The following ZNF564 variants were observed in gnomAD, a reference collection of about 807,000 sequenced individuals.
ZNF564 encodes the protein zinc finger protein 564.
A neutral mutation model predicts 10.5 loss-of-function variants in ZNF564; 5 were observed. That is an observed-to-expected ratio of 0.48 (90% CI 0.25 to 1.00). The LOEUF (loss-of-function observed/expected upper bound fraction) is 1.00. Among genes scored for constraint, ZNF564 ranks in the 50% least tolerant of loss-of-function variants. The pLI is 0.16. For synonymous variants in ZNF564, 242 were observed against 218.1 expected, an observed-to-expected ratio of 1.11 and a Z score of -0.97; for missense variants, 603 against 669.7, an observed-to-expected ratio of 0.90 and a Z score of 1.10.
intron 1 of ZNF564, among the ~76,000 whole-genome samples, chr19:12,536,140 A>T (rs2021906994): frequency 6.6e-6 from 1 of 152,170 alleles, no homozygotes; most frequent in Admixed American, 6.6e-5. Flanking sequence ...AGTTAAAATG[A>T]AGAGACTCAT....
chr19:12,541,066 C>CAAAAAAAAAAAAA (rs35848835), intron 1 of ZNF564, among the ~76,000 whole-genome samples: 1 of 59,734 alleles, frequency 1.7e-5, no homozygotes, highest in African/African-American at 7.6e-5. Context: ...CCTGTCTCTA[C>CAAAAAAAAAAAAA]AAAAAAAAAA....
chr19:12,539,616 C>T (rs182343579), intron 1 of ZNF564, among the ~76,000 whole-genome samples: 2 of 149,904 alleles, frequency 1.3e-5, no homozygotes, highest in Admixed American at 6.7e-5. Context: ...AGCAGTGAGC[C>T]GAGATCGTGC....
At chr19:12,528,450 C>G in intron 2 of ZNF564, 86 bp from the exon 3 acceptor site, 1 of 1,575,774 alleles carries the variant, frequency 6.3e-7, no homozygotes, top group Non-Finnish European at 8.6e-7. Flanking sequence ...AAGGTGCAAA[C>G]AACCCTGATT....
chr19:12,546,874 A>G (rs1319222019), intron 1 of ZNF564, among the ~76,000 whole-genome samples: 9 of 152,168 alleles, frequency 5.9e-5, no homozygotes, highest in Non-Finnish European at 1.3e-4. Context: ...TCCTCCTTTC[A>G]GCCCTGAACT....
chr19:12,540,605 A>G (rs927797433), intron 1 of ZNF564, among the ~76,000 whole-genome samples: 1 of 152,204 alleles, frequency 6.6e-6, no homozygotes, highest in South Asian at 2.1e-4. Context: ...CTGTAATCCC[A>G]GCACTTTGGG....
intron 1 of ZNF564, among the ~76,000 whole-genome samples, chr19:12,542,821 T>C (rs146067412): frequency 4.0e-4 from 57 of 143,794 alleles, no homozygotes; most frequent in African/African-American, 1.3e-3. Flanking sequence ...CTGACCAACA[T>C]AGTGAAACTC....
At chr19:12,533,497 C>A (rs1441613427) in intron 1 of ZNF564, among the ~76,000 whole-genome samples, 3 of 151,996 alleles carry the variant, frequency 2.0e-5, no homozygotes, top group Non-Finnish European at 4.4e-5. Flanking sequence ...GAGGCCAAGG[C>A]GGGCAGATTA....
chr19:12,539,959 T>G (rs900637622), intron 1 of ZNF564, among the ~76,000 whole-genome samples: 8 of 142,062 alleles, frequency 5.6e-5, no homozygotes, highest in Non-Finnish European at 9.1e-5. Flanking sequence ...CCAGCCTGGG[T>G]AACAGAACGA....
chr19:12,528,131 C>T (rs192380048), intron 3 of ZNF564, among the ~76,000 whole-genome samples, 173 bp downstream of exon 3: 2 of 152,244 alleles, frequency 1.3e-5, no homozygotes, highest in African/African-American at 4.8e-5. Context: ...AATACTATTT[C>T]CAAGTGAATG....
At position 12,525,444 on chromosome 19, in the gene ZNF564, C is replaced by T. The variant is rs2021663790; in HGVS notation, c.*1002G>A. The T allele has an allele frequency of 6.6e-6, 1 of 152,144 alleles. No individual in the cohort carries two copies. Among genetic ancestry groups the T allele is most frequent in the South Asian group, 2.1e-4 (1 of 4,826 alleles). 9.4% of individuals were successfully genotyped at this position (152,144 alleles called of 1,614,324 possible). A position where few individuals can be genotyped will look rare whatever the true frequency, so the allele number is the denominator to read the frequency against. ...AGCAGGCTTATACCACTGTACATTC[C>T]CAGTGATAGTGCACAATGTTCTCCA... On this transcript the variant is annotated 3_prime_UTR_variant, in exon 4 of 4. Coordinates refer to ENST00000339282, the MANE Select transcript of ZNF564 (RefSeq NM_144976.4).
intron 1 of ZNF564, among the ~76,000 whole-genome samples, chr19:12,531,436 G>A (rs939728101): frequency 5.9e-5 from 9 of 151,930 alleles, no homozygotes; most frequent in Admixed American, 1.3e-4. Flanking sequence ...GCATGTTGAC[G>A]CGCACCTGTT....
intron 1 of ZNF564, among the ~76,000 whole-genome samples, chr19:12,530,625 C>T (rs2021781958): frequency 6.6e-6 from 1 of 152,156 alleles, no homozygotes; most frequent in Admixed American, 6.6e-5. Flanking sequence ...TTATAAAATA[C>T]ACGAAGGGAT....
In ZNF564 at chr19:12,546,254, G is replaced by A. The variant is rs147857802; in HGVS notation, c.3+5076C>T. Among the ~76,000 whole-genome samples, 211 of 152,208 alleles carry A rather than the reference G, an allele frequency of 1.4e-3. 1 individual carries two copies. Among genetic ancestry groups the A allele is most frequent in the African/African-American group, 4.7e-3 (194 of 41,538 alleles). ...TACACTCTGACTAAACCAACTCTGTGGATACAAAACCAAATTGCTGACAAT... is the reference window on the plus strand; with the variant it reads ...TACACTCTGACTAAACCAACTCTGTAGATACAAAACCAAATTGCTGACAAT... On this transcript the variant is annotated intron_variant, in intron 1 of 3. Transcript: ENST00000339282.
rs747745099 is a variant in ZNF564 at position 12,526,444 on chromosome 19, C to T, written c.*2G>A. The T allele has an allele frequency of 1.3e-6, 2 of 1,581,318 alleles. No individual in the cohort carries two copies. Among genetic ancestry groups the T allele is most frequent in the Non-Finnish European group, 1.7e-6 (2 of 1,166,346 alleles). Reference sequence around the variant, plus strand: ...TGTAGATACTTGTAGACCTGTCCTCCACTATTCATTTTCACAGGTATTCGA... The same window carrying T: ...TGTAGATACTTGTAGACCTGTCCTCTACTATTCATTTTCACAGGTATTCGA... On this transcript the variant is annotated 3_prime_UTR_variant, in exon 4 of 4. Coordinates refer to ENST00000339282, the MANE Select transcript of ZNF564 (RefSeq NM_144976.4).
Position 12,527,404 on chromosome 19 carries a change from A to C in ZNF564, c.704T>G (p.Ile235Ser), listed in dbSNP as rs777835092. The C allele has an allele frequency of 4.3e-6, 7 of 1,613,874 alleles. No individual in the cohort carries two copies. Among genetic ancestry groups the C allele is most frequent in the African/African-American group, 1.3e-5 (1 of 74,850 alleles). Reference sequence around the variant, plus strand: ...GTGTCTTTGAAAACTTGGAAGAGAAATGAAAGCTTTTGCACATTCCTGACA... The same window carrying C: ...GTGTCTTTGAAAACTTGGAAGAGAACTGAAAGCTTTTGCACATTCCTGACA... Reference protein sequence around the residue: ...YECQECAKAFISLPSFQRHMI... With the variant: ...YECQECAKAFSSLPSFQRHMI... The change falls in exon 4 of 4, where the codon ATT becomes AGT. Residue 235 changes from isoleucine to serine, a missense_variant. Ile to Ser is a moderately radical substitution (Grantham distance 142). Transcript: ENST00000339282.
chr19:12,534,980 TAAAC>T (rs1365271483), intron 1 of ZNF564, among the ~76,000 whole-genome samples: 6 of 152,102 alleles, frequency 3.9e-5, no homozygotes, highest in Non-Finnish European at 5.9e-5. Context: ...AGATTCTTGA[TAAAC>T]AAATGAACAA....
intron 1 of ZNF564, 25 bp from the exon 2 acceptor site, chr19:12,528,721 C>G (rs765789526): frequency 8.8e-6 from 14 of 1,596,690 alleles, no homozygotes; most frequent in Non-Finnish European, 1.2e-5. Context: ...ATATGCAATG[C>G]AGGAGGAAGA....
intron 1 of ZNF564, among the ~76,000 whole-genome samples, chr19:12,534,378 C>T (rs1225916081): frequency 6.6e-6 from 1 of 152,112 alleles, no homozygotes; most frequent in Non-Finnish European, 1.5e-5. Flanking sequence ...ACTAACACAA[C>T]CTTTATTAGA....
chr19:12,548,919 T>C, intron 1 of ZNF564: 1 of 701,098 alleles, frequency 1.4e-6, no homozygotes, highest in Middle Eastern at 2.3e-4. Context: ...AATGTGGAAA[T>C]GTATTCGTTT....
Sources: gnomAD v4.1 joint callset for allele counts (sites outside exome capture counted in the v4.1 genomes callset) on GRCh38, gnomAD v4.1.1 for gene constraint, MANE v1.5 for transcripts, NCBI Gene and HGNC (gene_info 2026-07-23, HGNC 2026-07-21) for gene names.